The following RBMS3 variants were observed in gnomAD, a reference collection of about 807,000 sequenced individuals.
The protein encoded by RBMS3 is RNA binding motif single stranded interacting protein 3, also known as RNA-binding motif, single-stranded-interacting protein 3.
In RBMS3, 27 loss-of-function variants were observed where a neutral mutation model predicts 66.8. That is an observed-to-expected ratio of 0.40 (90% CI 0.30 to 0.56). RBMS3 has a LOEUF of 0.56. Ranked by LOEUF, RBMS3 falls within the 20% of genes least tolerant of loss-of-function variation. The pLI is 0.40. For synonymous variants in RBMS3, 188 were observed against 183.0 expected (o/e 1.03, Z -0.22); for missense variants, 513 against 549.5 (o/e 0.93, Z 0.66).
intron 6 of RBMS3, among the ~76,000 whole-genome samples, chr3:29,865,099 A>C: frequency 7.5e-6 from 1 of 133,088 alleles, no homozygotes; most frequent in South Asian, 2.7e-4. Context: ...GAAGGGAGGG[A>C]GGGAGGGAGG....
At chr3:29,471,863 T>C (rs974600801) in intron 2 of RBMS3, among the ~76,000 whole-genome samples, 2 of 152,002 alleles carry the variant, frequency 1.3e-5, no homozygotes, top group Non-Finnish European at 2.9e-5. Flanking sequence ...TTTTTCTTTA[T>C]TCAGCTTGTG....
intron 3 of RBMS3, among the ~76,000 whole-genome samples, chr3:29,535,382 A>G (rs910376827): frequency 6.6e-6 from 1 of 152,164 alleles, no homozygotes; most frequent in Non-Finnish European, 1.5e-5. Flanking sequence ...TTTCCCATTA[A>G]AAGTTTTTCA....
intron 2 of RBMS3, among the ~76,000 whole-genome samples, chr3:29,436,565 A>C (rs2041412147): frequency 6.6e-6 from 1 of 152,402 alleles, no homozygotes; most frequent in African/African-American, 2.4e-5. Context: ...TAAAAAATCT[A>C]AACTCTATTT....
At chr3:29,326,416 C>A (rs1208760116) in intron 1 of RBMS3, among the ~76,000 whole-genome samples, 3 of 152,112 alleles carry the variant, frequency 2.0e-5, no homozygotes, top group Non-Finnish European at 1.5e-5. Flanking sequence ...CTCTTATTAC[C>A]ATTTAAAGGT....
intron 4 of RBMS3, among the ~76,000 whole-genome samples, chr3:29,639,593 CAGAGAGAGAG>C (rs60712857): frequency 5.6e-5 from 8 of 143,172 alleles, no homozygotes; most frequent in East Asian, 4.2e-4. Context: ...AGAAGATAGA[CAGAGAGAGAG>C]AGAGAGAGAG....
intron 4 of RBMS3, among the ~76,000 whole-genome samples, chr3:29,678,554 AG>A (rs2051349659): frequency 6.6e-6 from 1 of 152,186 alleles, no homozygotes; most frequent in African/African-American, 2.4e-5. Flanking sequence ...AGTAATCTCC[AG>A]AGAGTGAAAA....
intron 4 of RBMS3, among the ~76,000 whole-genome samples, chr3:29,595,250 T>G (rs1478411734): frequency 6.6e-6 from 1 of 151,392 alleles, no homozygotes; most frequent in Non-Finnish European, 1.5e-5. Context: ...TACAAAAAAA[T>G]TAGCTGGGCG....
intron 2 of RBMS3, among the ~76,000 whole-genome samples, chr3:29,481,489 T>A (rs1352139736): frequency 6.6e-6 from 1 of 152,082 alleles, no homozygotes; most frequent in Non-Finnish European, 1.5e-5. Context: ...ATGGCTTTCT[T>A]GGGTGATGGC....
chr3:29,481,304 C>CA (rs1417399644), intron 2 of RBMS3, among the ~76,000 whole-genome samples: 1 of 152,070 alleles, frequency 6.6e-6, no homozygotes, highest in African/African-American at 2.4e-5. Context: ...TTAAAACCTC[C>CA]AAAATCTGAA....
chr3:29,501,894 C>T (rs2043988446), intron 3 of RBMS3, among the ~76,000 whole-genome samples: 1 of 151,978 alleles, frequency 6.6e-6, no homozygotes, highest in Non-Finnish European at 1.5e-5. Flanking sequence ...AAACGAAGAG[C>T]TGTGTAGTCC....
At chr3:30,002,294 C>A (rs975566965) in intron 14 of RBMS3, among the ~76,000 whole-genome samples, 3 of 151,882 alleles carry the variant, frequency 2.0e-5, no homozygotes, top group Non-Finnish European at 2.9e-5. Flanking sequence ...TGAGCAGCTG[C>A]TAAAGAGATT....
intron 4 of RBMS3, among the ~76,000 whole-genome samples, chr3:29,702,872 G>A (rs951831274): frequency 6.6e-6 from 1 of 152,188 alleles, no homozygotes; most frequent in Non-Finnish European, 1.5e-5. Context: ...CTCACCGCGA[G>A]GGTCCGCGGC....
chr3:29,698,119 C>A, intron 4 of RBMS3: 1 of 791,354 alleles, frequency 1.3e-6, no homozygotes, highest in Non-Finnish European at 1.5e-6. Flanking sequence ...CCTGAAGGGA[C>A]AGGCTTGTGG....
At chr3:29,377,009 A>T (rs2038509719) in intron 1 of RBMS3, among the ~76,000 whole-genome samples, 1 of 151,970 alleles carries the variant, frequency 6.6e-6, no homozygotes, top group Admixed American at 6.6e-5. Context: ...AAATCACTTG[A>T]GTCTGGGAGG....
chr3:29,887,482 T>C (rs1177686453), intron 8 of RBMS3, among the ~76,000 whole-genome samples: 1 of 151,798 alleles, frequency 6.6e-6, no homozygotes, highest in Non-Finnish European at 1.5e-5. Context: ...GATTCCTTCC[T>C]GCTGCCTTGT....
chr3:29,800,389 T>C (rs957298092), intron 6 of RBMS3, among the ~76,000 whole-genome samples: 5 of 152,196 alleles, frequency 3.3e-5, no homozygotes, highest in African/African-American at 1.2e-4. Context: ...TAAACTTGCT[T>C]TCTATAAATA....
chr3:29,461,920 ATTTTTTTTTTTTTT>A (rs61115023), intron 2 of RBMS3, among the ~76,000 whole-genome samples: 13 of 93,304 alleles, frequency 1.4e-4, no homozygotes, highest in South Asian at 9.0e-4. Flanking sequence ...TGCCCGGCTA[ATTTTTTTTTTTTTT>A]TTTTTTTTTT....
intron 12 of RBMS3, among the ~76,000 whole-genome samples, chr3:29,970,755 G>A (rs1697176448): frequency 6.6e-6 from 1 of 152,084 alleles, no homozygotes. Context: ...TGATTTTGAT[G>A]TAAAATTTAA....
rs551036835 is a variant in RBMS3, at chr3:29,675,581, G to GA, written c.400-64133dup. Among the ~76,000 whole-genome samples the GA allele has an allele frequency of 2.4e-3, 370 of 152,162 alleles. 1 individual carries two copies. The highest frequency in any genetic ancestry group is 4.2e-3 in the Non-Finnish European group (286 of 67,992). On this transcript the variant is annotated intron_variant, in intron 4 of 14. Coordinates refer to ENST00000383767, the MANE Select transcript of RBMS3 (RefSeq NM_001003793.3). ...ACAAAGCACTTAAAGAAATTTACAA[G>GA]AAAAAATCAAACAACCCCATCAAAA...
Sources: allele counts gnomAD v4.1 joint callset (sites outside exome capture counted in the v4.1 genomes callset), GRCh38; gene constraint gnomAD v4.1.1; transcripts MANE v1.5; gene names NCBI Gene and HGNC (gene_info 2026-07-23, HGNC 2026-07-21).